Variants in BMP6 observed in about 807,000 individuals in gnomAD.
BMP6 encodes VG-1-R.
A neutral mutation model predicts 54.1 loss-of-function variants in BMP6; 17 were observed. The ratio of observed to expected loss-of-function variants is 0.31; its 90% CI spans 0.22 to 0.47. BMP6 has a LOEUF of 0.47. Among genes scored for constraint, BMP6 ranks in the 20% least tolerant of loss-of-function variants. BMP6 has a pLI of 1.00. For missense variants in BMP6, 720 were observed against 690.4 expected (o/e 1.04, Z -0.48); for synonymous variants, 328 against 291.2 (o/e 1.13, Z -1.28).
At chr6:7,770,771 A>T (rs1757771355) in intron 1 of BMP6, among the ~76,000 whole-genome samples, 1 of 152,234 alleles carries the variant, frequency 6.6e-6, no homozygotes, top group Non-Finnish European at 1.5e-5. Flanking sequence ...GTCAGCAGTT[A>T]CACCAGGTGA....
At chr6:7,823,799 G>C (rs1363527465) in intron 1 of BMP6, among the ~76,000 whole-genome samples, 2 of 152,204 alleles carry the variant, frequency 1.3e-5, no homozygotes, top group Non-Finnish European at 1.5e-5. Context: ...CTGAGAAGCT[G>C]CATCAGTAGA....
In BMP6 at chr6:7,860,524, A is replaced by G. The variant is rs536871902; in HGVS notation, c.858-927A>G. On this transcript the variant is annotated intron_variant, in intron 2 of 6. Transcript: ENST00000283147. Reference sequence around the variant, plus strand: ...CAGGTGAGCAGAAGGAGACCCTCACACCGTCATCCCACAGCCCCTTGATTA... The same window carrying G: ...CAGGTGAGCAGAAGGAGACCCTCACGCCGTCATCCCACAGCCCCTTGATTA... Among the ~76,000 whole-genome samples, 6 of 152,314 alleles carry G rather than the reference A, an allele frequency of 3.9e-5. No homozygotes were observed. In the South Asian group the frequency reaches 1.0e-3, roughly 26 times the overall value.
At chr6:7,797,895 T>C (rs561551037) in intron 1 of BMP6, among the ~76,000 whole-genome samples, 1 of 152,372 alleles carries the variant, frequency 6.6e-6, no homozygotes, top group African/African-American at 2.4e-5. Context: ...TGTTCCATCA[T>C]GATGCTTTGA....
At chr6:7,851,763 G>GT (rs1759145907) in intron 2 of BMP6, among the ~76,000 whole-genome samples, 2 of 151,834 alleles carry the variant, frequency 1.3e-5, no homozygotes, top group African/African-American at 4.8e-5. Context: ...TATTCTAAGA[G>GT]TTTTTTAACA....
intron 4 of BMP6, among the ~76,000 whole-genome samples, chr6:7,868,283 CA>C (rs1417392394): frequency 6.6e-6 from 1 of 152,182 alleles, no homozygotes; most frequent in East Asian, 1.9e-4. Context: ...AAATTATAAA[CA>C]AAATCTAGAC....
Position 7,846,804 on chromosome 6 carries a change from T to G in BMP6, c.857+1472T>G, listed in dbSNP as rs553520948. ...TTGTCTGTTGATACTTCAGAGATAA[T>G]TGGTATTCACTGACTCTTTGGAACT... On this transcript the variant is annotated intron_variant, in intron 2 of 6. Transcript: ENST00000283147. Among the ~76,000 whole-genome samples the G allele has an allele frequency of 3.9e-5, 6 of 152,352 alleles. No homozygotes were observed. In the South Asian group the frequency reaches 1.2e-3, roughly 32 times the overall value.
chr6:7,817,603 T>C (rs996096637), intron 1 of BMP6, among the ~76,000 whole-genome samples: 6 of 151,074 alleles, frequency 4.0e-5, no homozygotes, highest in Admixed American at 1.3e-4. Context: ...AGGGATAGCA[T>C]TAGGAGATAT....
At position 7,727,204 on chromosome 6, in the gene BMP6, C is replaced by G. The variant is rs767598408; in HGVS notation, c.249C>G (p.Ile83Met). Residue 83 changes from isoleucine (I) to methionine (M), a missense_variant, in exon 1 of 7, where the codon ATC becomes ATG. By Grantham distance (10) the Ile-to-Met change is conservative (BLOSUM62 1). Coordinates refer to ENST00000283147, the MANE Select transcript of BMP6 (RefSeq NM_001718.6). ...TQEKREMQKEILSVLGLPHRP... is the reference protein window; with the variant it reads ...TQEKREMQKEMLSVLGLPHRP... ...AGAAGCGGGAGATGCAGAAGGAGAT[C>G]TTGTCGGTGCTGGGGCTCCCGCACC... 13 of 1,604,770 alleles carry G rather than the reference C, an allele frequency of 8.1e-6. No individual in the cohort carries two copies. Among genetic ancestry groups the G allele is most frequent in the Middle Eastern group, 1.7e-4 (1 of 6,024 alleles).
chr6:7,728,207 C>G (rs536915058), intron 1 of BMP6, among the ~76,000 whole-genome samples: 1 of 152,120 alleles, frequency 6.6e-6, no homozygotes, highest in South Asian at 2.1e-4. Context: ...CCGCGGAAGG[C>G]GCTCGGATCC....
At chr6:7,878,968 C>A in intron 4 of BMP6, 106 bp from the exon 5 acceptor site, 1 of 1,142,668 alleles carries the variant, frequency 8.8e-7, no homozygotes, top group Non-Finnish European at 1.3e-6. Flanking sequence ...AGGAGGCTAT[C>A]CTGAGCCTAG....
chr6:7,847,351 T>C (rs1373702342), intron 2 of BMP6, among the ~76,000 whole-genome samples: 1 of 152,286 alleles, frequency 6.6e-6, no homozygotes, highest in East Asian at 1.9e-4. Context: ...GGAAGAGATT[T>C]TCTTTTCTTA....
At chr6:7,729,384 G>T (rs757580821) in intron 1 of BMP6, among the ~76,000 whole-genome samples, 2 of 133,876 alleles carry the variant, frequency 1.5e-5, no homozygotes, top group Non-Finnish European at 3.1e-5. Flanking sequence ...ATTGCCTCTT[G>T]GGGGTAGTCC....
rs976638866 is a variant in BMP6, at chr6:7,853,522, C to A, written c.858-7929C>A. 3.3e-5 allele frequency among the ~76,000 whole-genome samples: 5 copies of A among 152,274 alleles called. No homozygotes were observed. In the East Asian group the frequency reaches 9.6e-4, roughly 29 times the overall value. ...GCTGAAATGAAGACAAAAGTTCACC[C>A]TTTTTAGATACCTGAGACGGGTTTC... On this transcript the variant is annotated intron_variant, in intron 2 of 6. Coordinates refer to ENST00000283147, the MANE Select transcript of BMP6 (RefSeq NM_001718.6).
chr6:7,759,249 G>A (rs921171778), intron 1 of BMP6, among the ~76,000 whole-genome samples: 2 of 152,134 alleles, frequency 1.3e-5, no homozygotes, highest in East Asian at 1.9e-4. Flanking sequence ...TACCAGGAAC[G>A]TGGTGTCCCC....
chr6:7,867,419 T>A (rs1286252588), intron 4 of BMP6, among the ~76,000 whole-genome samples: 1 of 152,250 alleles, frequency 6.6e-6, no homozygotes, highest in Non-Finnish European at 1.5e-5. Context: ...TGTGCAATCT[T>A]GTGCTATACA....
At chr6:7,770,241 T>G (rs1277260317) in intron 1 of BMP6, among the ~76,000 whole-genome samples, 1 of 152,234 alleles carries the variant, frequency 6.6e-6, no homozygotes, top group African/African-American at 2.4e-5. Flanking sequence ...CATCCTGTTT[T>G]TAAGCGGTTG....
intron 1 of BMP6, among the ~76,000 whole-genome samples, chr6:7,835,172 G>A (rs1167868960): frequency 6.6e-6 from 1 of 152,178 alleles, no homozygotes; most frequent in African/African-American, 2.4e-5. Flanking sequence ...ACCCAGGCTG[G>A]AGTGCAGTGG....
rs181973301 is a variant in BMP6, at chr6:7,847,143, G to C, written c.857+1811G>C. 7.2e-5 allele frequency among the ~76,000 whole-genome samples: 11 copies of C among 152,316 alleles called. No homozygotes were observed. In the East Asian group the frequency reaches 2.1e-3, roughly 29 times the overall value. On this transcript the variant is annotated intron_variant, in intron 2 of 6. Coordinates refer to ENST00000283147, the MANE Select transcript of BMP6 (RefSeq NM_001718.6). ...GTGGTGTCATACTTCCTCGAGGCCA[G>C]CAGTGAGTTTGGAAAATAAAATCCT...
intron 1 of BMP6, among the ~76,000 whole-genome samples, chr6:7,822,897 TTGTGTGTGTGTGTGTGTGTG>T (rs56161444): frequency 1.6e-4 from 19 of 121,354 alleles, no homozygotes; most frequent in Non-Finnish European, 2.7e-4. Flanking sequence ...TTGGTGCTGG[TTGTGTGTGTGTGTGTGTGTG>T]TGTGTGTGTG....
Sources: allele counts gnomAD v4.1 joint callset (sites outside exome capture counted in the v4.1 genomes callset), GRCh38; gene constraint gnomAD v4.1.1; transcripts MANE v1.5; gene names NCBI Gene and HGNC (gene_info 2026-07-23, HGNC 2026-07-21).